The following PPP3CA variants were observed in gnomAD, a reference collection of about 807,000 sequenced individuals.
PPP3CA encodes CAM-PRP catalytic subunit.
Under a neutral mutation model 66.5 loss-of-function variants are expected in PPP3CA, and 14 were observed. That is an observed-to-expected ratio of 0.21 (90% CI 0.14 to 0.33). The LOEUF is 0.33. Among genes scored for constraint, PPP3CA ranks in the 10% least tolerant of loss-of-function variants. PPP3CA has a pLI of 1.00. For synonymous variants in PPP3CA, 232 were observed against 226.2 expected (o/e 1.03, Z -0.23); for missense variants, 317 against 639.5 (o/e 0.50, Z 5.44).
Position 101,024,233 on chromosome 4 carries a change from C to G in PPP3CA, c.*1632G>C, listed in dbSNP as rs1340559200. The G allele has an allele frequency of 6.6e-6, 1 of 152,240 alleles. No homozygotes were observed. Among genetic ancestry groups the G allele is most frequent in the African/African-American group, 2.4e-5 (1 of 41,448 alleles). The allele number at this position is 152,240 out of a possible 1,614,324, so 9.4% of individuals were successfully genotyped here. A position where few individuals can be genotyped will look rare whatever the true frequency, so the allele number is the denominator to read the frequency against. On this transcript the variant is annotated 3_prime_UTR_variant, in exon 14 of 14. Transcript: ENST00000394854. ...TAGGAAGAAGCCTGTGGAAATCAGC[C>G]TGTGATGTGTGGTGGTGGGCCAGCA... is the stretch of plus-strand genomic sequence containing the variant.
intron 1 of PPP3CA, among the ~76,000 whole-genome samples, chr4:101,324,154 G>GGGAGGAAGGGAGGAAGGA (rs1729130998): frequency 2.3e-4 from 15 of 66,484 alleles, no homozygotes; most frequent in African/African-American, 7.4e-4. Context: ...GGAAGGGAGG[G>GGGAGGAAGGGAGGAAGGA]AGGAAGGAAG....
intron 2 of PPP3CA, among the ~76,000 whole-genome samples, chr4:101,124,776 A>T (rs1278935438): frequency 7.6e-6 from 1 of 131,534 alleles, no homozygotes; most frequent in Non-Finnish European, 1.6e-5. Flanking sequence ...AGAAAGAAAG[A>T]AAGAAAGAAA....
rs369745312 is a variant in PPP3CA, at chr4:101,151,652, CTTTTTTTTT to C, written c.260-42583_260-42575del. On this transcript the variant is annotated intron_variant, in intron 2 of 13. Transcript: ENST00000394854. The stretch of plus-strand genomic sequence containing the variant: ...CAAAATTTAGCTAAGCCAAGGTTTC[CTTTTTTTTT>C]TTTTTTTTTTTTTGAGATAGAGTGT... Among the ~76,000 whole-genome samples, 7 of 84,826 alleles carry C rather than the reference CTTTTTTTTT, an allele frequency of 8.3e-5. 2 individuals carry two copies. The South Asian group carries it at 3.2e-3, about 39-fold the overall frequency. The allele number at this position is 84,826 out of a possible 152,430, so 55.6% of individuals were successfully genotyped here. A position where few individuals can be genotyped will look rare whatever the true frequency, so the allele number is the denominator to read the frequency against.
At chr4:101,126,868 G>A (rs1051095441) in intron 2 of PPP3CA, among the ~76,000 whole-genome samples, 2 of 152,124 alleles carry the variant, frequency 1.3e-5, no homozygotes, top group African/African-American at 4.8e-5. Context: ...TTTTATGAAG[G>A]TTGTTAATAG....
At chr4:101,202,235 A>G (rs758375849) in intron 1 of PPP3CA, among the ~76,000 whole-genome samples, 16 of 152,156 alleles carry the variant, frequency 1.1e-4, no homozygotes, top group Non-Finnish European at 2.1e-4. Flanking sequence ...CAGGAGATGA[A>G]GTTGTTTTTA....
At chr4:101,237,333 A>G (rs1726161769) in intron 1 of PPP3CA, among the ~76,000 whole-genome samples, 1 of 151,944 alleles carries the variant, frequency 6.6e-6, no homozygotes, top group African/African-American at 2.4e-5. Flanking sequence ...TGAATCATCT[A>G]AATTAGATTT....
intron 7 of PPP3CA, among the ~76,000 whole-genome samples, chr4:101,082,773 T>C (rs1178325695): frequency 6.6e-6 from 1 of 152,208 alleles, no homozygotes; most frequent in African/African-American, 2.4e-5. Flanking sequence ...AATGGTATTC[T>C]TTAAAACAAC....
chr4:101,113,664 C>A (rs1296273704), intron 2 of PPP3CA, among the ~76,000 whole-genome samples: 4 of 152,044 alleles, frequency 2.6e-5, no homozygotes, highest in Non-Finnish European at 5.9e-5. Flanking sequence ...ATTTTGATAT[C>A]AAATTTCAGG....
At chr4:101,248,882 C>T (rs1395690473) in intron 1 of PPP3CA, among the ~76,000 whole-genome samples, 9 of 152,090 alleles carry the variant, frequency 5.9e-5, no homozygotes, top group South Asian at 4.1e-4. Context: ...AATTACTGGC[C>T]GGGCGCGGTG....
intron 6 of PPP3CA, among the ~76,000 whole-genome samples, chr4:101,092,013 G>C (rs1168326883): frequency 6.6e-6 from 1 of 151,908 alleles, no homozygotes; most frequent in South Asian, 2.1e-4. Flanking sequence ...AGAGACTTTA[G>C]TGAAACTGAG....
intron 13 of PPP3CA, among the ~76,000 whole-genome samples, chr4:101,028,503 G>A (rs944974443): frequency 6.6e-6 from 1 of 152,114 alleles, no homozygotes; most frequent in African/African-American, 2.4e-5. Context: ...TCAATTGAGT[G>A]CTACTTGATA....
rs78180740 is a variant in PPP3CA, at chr4:101,230,961, T to C, written c.59-34845A>G. Among the ~76,000 whole-genome samples the C allele has an allele frequency of 1.5e-3, 221 of 151,888 alleles. 1 individual carries two copies. Among genetic ancestry groups the C allele is most frequent in the Non-Finnish European group, 2.5e-3 (171 of 67,808 alleles). ...CTAGGAAAATTTTACTCATACCTCA[T>C]AATCTGTCTTTCATGAATCACTTTC... On this transcript the variant is annotated intron_variant, in intron 1 of 13. Coordinates refer to ENST00000394854, the MANE Select transcript of PPP3CA (RefSeq NM_000944.5).
chr4:101,204,011 C>T lies in PPP3CA; in HGVS notation c.59-7895G>A, dbSNP rs188138755. ...TTTAGACAGGGTCTCCCTCTATTGC[C>T]CATGCTGGAGGGCAGTGGTGCAAAC... On this transcript the variant is annotated intron_variant, in intron 1 of 13. Coordinates refer to ENST00000394854, the MANE Select transcript of PPP3CA (RefSeq NM_000944.5). Among the ~76,000 whole-genome samples, 344 of 152,042 alleles carry T rather than the reference C, an allele frequency of 2.3e-3. 2 individuals carry two copies. Among genetic ancestry groups the T allele is most frequent in the African/African-American group, 7.7e-3 (321 of 41,468 alleles).
At chr4:101,040,922 G>A (rs1578396584) in intron 10 of PPP3CA, among the ~76,000 whole-genome samples, 2 of 152,146 alleles carry the variant, frequency 1.3e-5, no homozygotes, top group South Asian at 2.1e-4. Context: ...CGCATTGGGA[G>A]GAAGAGTTAA....
intron 2 of PPP3CA, among the ~76,000 whole-genome samples, chr4:101,123,471 A>T (rs1722095070): frequency 6.6e-6 from 1 of 152,192 alleles, no homozygotes; most frequent in African/African-American, 2.4e-5. Flanking sequence ...GTCATATTAC[A>T]GGAAGTGAAA....
rs985978848 is a variant in PPP3CA at position 101,280,856 on chromosome 4, T to C, written c.58+65883A>G. 1.6e-4 allele frequency among the ~76,000 whole-genome samples: 23 copies of C among 147,216 alleles called. No individual in the cohort carries two copies. The South Asian group carries it at 1.7e-3, about 11-fold the overall frequency. The stretch of plus-strand genomic sequence containing the variant: ...AAAAAACTGGAAACCATCAGTGTCA[T>C]ACATAAAAGAAGAATGCTTGAGCTC... On this transcript the variant is annotated intron_variant, in intron 1 of 13. Coordinates refer to ENST00000394854, the MANE Select transcript of PPP3CA (RefSeq NM_000944.5).
chr4:101,289,652 T>C (rs1255147980), intron 1 of PPP3CA, among the ~76,000 whole-genome samples: 2 of 152,190 alleles, frequency 1.3e-5, no homozygotes, highest in African/African-American at 4.8e-5. Flanking sequence ...TGTATAAACA[T>C]ATATAATTTA....
At chr4:101,341,115 ATAGT>A (rs1005951120) in intron 1 of PPP3CA, among the ~76,000 whole-genome samples, 3 of 152,166 alleles carry the variant, frequency 2.0e-5, no homozygotes, top group African/African-American at 4.8e-5. Flanking sequence ...ACTATTTTAC[ATAGT>A]TAATTATTTA....
chr4:101,341,746 C>A (rs573466638), intron 1 of PPP3CA, among the ~76,000 whole-genome samples: 1 of 152,284 alleles, frequency 6.6e-6, no homozygotes, highest in South Asian at 2.1e-4. Context: ...CAAGGTCTCA[C>A]CATATCCCTC....
Sources: gnomAD v4.1 joint callset for allele counts (sites outside exome capture counted in the v4.1 genomes callset) on GRCh38, gnomAD v4.1.1 for gene constraint, MANE v1.5 for transcripts, NCBI Gene and HGNC (gene_info 2026-07-23, HGNC 2026-07-21) for gene names.